LRIF1: variants seen among roughly 807,000 people sequenced by gnomAD.
LRIF1 encodes the protein ligand-dependent nuclear receptor-interacting factor 1.
Under a neutral mutation model 52.7 loss-of-function variants are expected in LRIF1, and 32 were observed. The observed-to-expected ratio is 0.61, with a 90% CI of 0.46 to 0.82. The LOEUF (loss-of-function observed/expected upper bound fraction) is 0.82. LRIF1 is among the 40% of genes least tolerant of loss of function. The pLI, the probability that LRIF1 is intolerant of heterozygous loss-of-function variation, is 0.00. For missense variants in LRIF1, 887 were observed against 892.0 expected, an observed-to-expected ratio of 0.99 and a Z score of 0.07; for synonymous variants, 323 against 317.4, an observed-to-expected ratio of 1.02 and a Z score of -0.19.
At chr1:110,957,402 C>T (rs185592623) in intron 1 of LRIF1, among the ~76,000 whole-genome samples, 47 of 136,096 alleles carry the variant, frequency 3.5e-4, no homozygotes, top group African/African-American at 7.4e-4. Context: ...GAGGAGGCGG[C>T]GGAGCTTGCA....
chr1:110,953,141 CT>C (rs1658554300), intron 1 of LRIF1, among the ~76,000 whole-genome samples: 1 of 152,156 alleles, frequency 6.6e-6, no homozygotes, highest in Non-Finnish European at 1.5e-5. Flanking sequence ...TCCCTTCCCC[CT>C]TTCCCTGAAT....
At chr1:110,894,365 G>T in the LRIF1 span, 1 of 1,614,106 alleles carries the variant, frequency 6.2e-7, no homozygotes, top group South Asian at 1.1e-5. Flanking sequence ...TTGCTGAGGT[G>T]ACCTTGGCCA....
rs1446753044 is a variant in LRIF1 at position 110,952,761 on chromosome 1, A to AT, written c.122dup (p.Asn41LysfsTer10). 4 of 1,612,872 alleles carry AT rather than the reference A, an allele frequency of 2.5e-6. No individual in the cohort carries two copies. The highest frequency in any genetic ancestry group is 1.3e-5 in the African/African-American group (1 of 74,876). ...TAGGAATTGGAAGTAATTGCAGAAG[A>AT]TTTTTTCCATCCGAGCCAATCGTCT... On this transcript the variant is annotated frameshift_variant, in exon 2 of 4. Coordinates refer to ENST00000369763, the MANE Select transcript of LRIF1 (RefSeq NM_018372.4). LOFTEE classifies it high-confidence loss of function.
the LRIF1 span, chr1:110,894,551 G>GT: frequency 1.6e-6 from 1 of 609,530 alleles, no homozygotes; most frequent in Admixed American, 3.0e-5. Flanking sequence ...TTGTAATTGG[G>GT]GGGAAAATTT....
the LRIF1 span, chr1:110,940,604 A>G: frequency 4.6e-5 from 7 of 152,336 alleles, no homozygotes; most frequent in East Asian, 1.2e-3. Context: ...AAATGAATGG[A>G]TAAATAAAAT....
intron 1 of LRIF1, among the ~76,000 whole-genome samples, chr1:110,953,332 T>G (rs899278972): frequency 6.6e-6 from 1 of 152,258 alleles, no homozygotes; most frequent in Admixed American, 6.5e-5. Flanking sequence ...TTACCTTAGT[T>G]TGCCACATTT....
At chr1:110,892,820 T>A in the LRIF1 span, 3 of 289,034 alleles carry the variant, frequency 1.0e-5, no homozygotes, top group Admixed American at 9.3e-5. Context: ...TTATTTTTTC[T>A]TTATGTCTGG....
At chr1:110,920,860 T>C in the LRIF1 span, among the ~76,000 whole-genome samples, 8 of 152,292 alleles carry the variant, frequency 5.3e-5, no homozygotes, top group African/African-American at 1.9e-4. Context: ...AAATAAAGTG[T>C]ATTAATTTAA....
chr1:110,878,855 T>C, the LRIF1 span, among the ~76,000 whole-genome samples: 3 of 152,330 alleles, frequency 2.0e-5, no homozygotes, highest in African/African-American at 7.2e-5. Flanking sequence ...AATCTTAGCA[T>C]ACAAAGGTGT....
In LRIF1 at chr1:110,956,675, T is replaced by A. The variant is rs1003568695; in HGVS notation, c.69-3860A>T. Among the ~76,000 whole-genome samples, 6 of 152,074 alleles carry A rather than the reference T, an allele frequency of 3.9e-5. No homozygotes were observed. The East Asian group carries it at 5.8e-4, about 15-fold the overall frequency. ...GCAACAGAACAGAGAATAAGATCAC[T>A]GGGGGAAAAGATCTCTGTAATAAAG... On this transcript the variant is annotated intron_variant, in intron 1 of 3. Coordinates refer to ENST00000369763, the MANE Select transcript of LRIF1 (RefSeq NM_018372.4).
the LRIF1 span, among the ~76,000 whole-genome samples, chr1:110,901,173 T>TTTTG: frequency 2.5e-3 from 374 of 152,106 alleles, 1 homozygote; most frequent in African/African-American, 8.7e-3. Context: ...TGTTTTTTGT[T>TTTTG]TTTGTTTGTT....
chr1:110,931,465 A>T, the LRIF1 span, among the ~76,000 whole-genome samples: 1 of 152,216 alleles, frequency 6.6e-6, no homozygotes, highest in Non-Finnish European at 1.5e-5. Flanking sequence ...GTGTCTTTAT[A>T]GTAGCATGAT....
At chr1:110,881,565 A>T in the LRIF1 span, among the ~76,000 whole-genome samples, 2 of 152,172 alleles carry the variant, frequency 1.3e-5, no homozygotes, top group Non-Finnish European at 2.9e-5. Context: ...AAAACTATGA[A>T]CCTTCCTGTA....
At chr1:110,923,590 A>G in the LRIF1 span, among the ~76,000 whole-genome samples, 4 of 152,206 alleles carry the variant, frequency 2.6e-5, no homozygotes, top group African/African-American at 9.6e-5. Flanking sequence ...CATTTGAAAA[A>G]TAAGAAATAC....
chr1:110,899,307 C>A, the LRIF1 span: 1 of 730,524 alleles, frequency 1.4e-6, no homozygotes, highest in Non-Finnish European at 2.3e-6. Flanking sequence ...CCATCCTTTC[C>A]CTTTTTAGGT....
the LRIF1 span, among the ~76,000 whole-genome samples, chr1:110,904,964 C>T: frequency 6.6e-6 from 1 of 152,128 alleles, no homozygotes; most frequent in Admixed American, 6.5e-5. Flanking sequence ...GAATCAAATT[C>T]TGGAGCTGAA....
intron 3 of LRIF1, among the ~76,000 whole-genome samples, chr1:110,948,697 AAAATTG>A (rs1438922251): frequency 1.3e-5 from 2 of 152,212 alleles, no homozygotes; most frequent in African/African-American, 4.8e-5. Context: ...CCTGAGATAT[AAAATTG>A]ATTGTTTTTT....
the LRIF1 span, among the ~76,000 whole-genome samples, chr1:110,890,256 AT>A: frequency 1.3e-5 from 2 of 152,188 alleles, no homozygotes; most frequent in Non-Finnish European, 2.9e-5. Flanking sequence ...ATAGAATATC[AT>A]TACCTCTGAC....
chr1:110,917,884 G>A, the LRIF1 span, among the ~76,000 whole-genome samples: 1 of 151,826 alleles, frequency 6.6e-6, no homozygotes, highest in African/African-American at 2.4e-5. Context: ...AATCCTAACA[G>A]AATTTGTTCA....
Sources: allele counts gnomAD v4.1 joint callset (sites outside exome capture counted in the v4.1 genomes callset), GRCh38; gene constraint gnomAD v4.1.1; transcripts MANE v1.5; gene names NCBI Gene and HGNC (gene_info 2026-07-23, HGNC 2026-07-21).